ATL2: variants seen among roughly 807,000 people sequenced by gnomAD.
ATL2 encodes atlastin GTPase 2.
A neutral mutation model predicts 73.9 loss-of-function variants in ATL2; 31 were observed. That is an observed-to-expected ratio of 0.42 (90% confidence interval 0.32 to 0.57). ATL2 has a LOEUF of 0.57. ATL2 is among the 20% of genes least tolerant of loss of function. The probability of loss-of-function intolerance (pLI) is 0.14; values close to 1 mark genes in which losing one functional copy is unlikely to be tolerated. For missense variants in ATL2, 738 were observed against 702.6 expected, an observed-to-expected ratio of 1.05 and a Z score of -0.57; for synonymous variants, 291 against 237.5, an observed-to-expected ratio of 1.23 and a Z score of -2.07.
chr2:38,319,764 G>C (rs1424685184), intron 2 of ATL2, among the ~76,000 whole-genome samples: 1 of 152,140 alleles, frequency 6.6e-6, no homozygotes, highest in African/African-American at 2.4e-5. Context: ...TGCTTTCTCA[G>C]AATAGCTTAC....
At chr2:38,313,269 T>TA in intron 6 of ATL2, 26 bp from the exon 7 acceptor site, 2 of 1,535,610 alleles carry the variant, frequency 1.3e-6, no homozygotes, top group Non-Finnish European at 1.8e-6. Context: ...ATAAAAATTG[T>TA]TTATTTTACA....
intron 2 of ATL2, among the ~76,000 whole-genome samples, chr2:38,335,207 G>A (rs541956403): frequency 3.3e-5 from 5 of 151,700 alleles, no homozygotes; most frequent in South Asian, 4.2e-4. Flanking sequence ...AAAAGTAAAC[G>A]GGTATTTCCC....
In ATL2 at chr2:38,298,257, C is replaced by G. The variant is rs1397598762; in HGVS notation, c.1519G>C (p.Val507Leu). 1 of 1,613,982 alleles carries G rather than the reference C, an allele frequency of 6.2e-7. No homozygotes were observed. The highest frequency in any genetic ancestry group is 1.3e-5 in the African/African-American group (1 of 74,912). Reference protein sequence around the residue: ...LNSIAVLCNLVMGLALIFLCT... With the variant: ...LNSIAVLCNLLMGLALIFLCT... The stretch of plus-strand genomic sequence containing the variant: ...AGAAATATCAGTGCTAACCCCATGA[C>G]AAGGTTACACAAGACAGCTATAGAG... Residue 507 changes from valine to leucine, a missense_variant, in exon 12 of 13, where the codon GTC (valine) becomes CTC (leucine). By Grantham distance (32) the Val-to-Leu change is conservative. Coordinates refer to ENST00000378954, the MANE Select transcript of ATL2 (RefSeq NM_001135673.4).
At chr2:38,319,615 A>AG (rs1553333124) in intron 2 of ATL2, among the ~76,000 whole-genome samples, 10 of 149,504 alleles carry the variant, frequency 6.7e-5, no homozygotes, top group Admixed American at 2.0e-4. Flanking sequence ...AAAAAAAAAA[A>AG]AGAGAGAGAG....
intron 1 of ATL2, among the ~76,000 whole-genome samples, chr2:38,344,096 C>G (rs1669885045): frequency 6.6e-6 from 1 of 152,132 alleles, no homozygotes; most frequent in Non-Finnish European, 1.5e-5. Flanking sequence ...AATATGGCCT[C>G]TATCTCAATG....
At chr2:38,338,101 T>C (rs1669479200) in intron 2 of ATL2, among the ~76,000 whole-genome samples, 1 of 152,206 alleles carries the variant, frequency 6.6e-6, no homozygotes, top group Admixed American at 6.5e-5. Flanking sequence ...TCTATTTCAC[T>C]TTGAAAAGGT....
intron 1 of ATL2, among the ~76,000 whole-genome samples, chr2:38,357,651 CAAA>C (rs1212548216): frequency 6.0e-5 from 4 of 66,346 alleles, no homozygotes; most frequent in Admixed American, 1.9e-4. Context: ...GACTCCGTCT[CAAA>C]AAAAAAAAAA....
intron 1 of ATL2, among the ~76,000 whole-genome samples, chr2:38,368,172 G>A (rs980185640): frequency 6.6e-6 from 1 of 151,400 alleles, no homozygotes; most frequent in East Asian, 1.9e-4. Context: ...CTGACCTCAT[G>A]ATCCACCCAC....
intron 2 of ATL2, among the ~76,000 whole-genome samples, chr2:38,337,961 T>C (rs998745714): frequency 6.6e-6 from 1 of 152,316 alleles, no homozygotes; most frequent in South Asian, 2.1e-4. Context: ...TTTAGTTTCA[T>C]GTATATTATA....
At chr2:38,297,806 T>A in intron 12 of ATL2, 1 of 172,636 alleles carries the variant, frequency 5.8e-6, no homozygotes, top group Non-Finnish European at 1.2e-5. Context: ...TCCAAACTTC[T>A]TTTCCTTACC....
At chr2:38,336,092 C>G (rs1174727288) in intron 2 of ATL2, among the ~76,000 whole-genome samples, 1 of 152,144 alleles carries the variant, frequency 6.6e-6, no homozygotes, top group Non-Finnish European at 1.5e-5. Context: ...ATTGTTCCTC[C>G]TCCAAATACA....
chr2:38,304,721 G>A (rs923245169), intron 9 of ATL2, among the ~76,000 whole-genome samples: 130 of 152,262 alleles, frequency 8.5e-4, no homozygotes, highest in African/African-American at 3.1e-3. Flanking sequence ...TAGGCAATCA[G>A]TGTTATCAGT....
At chr2:38,327,285 G>A (rs1047984876) in intron 2 of ATL2, among the ~76,000 whole-genome samples, 3 of 151,886 alleles carry the variant, frequency 2.0e-5, no homozygotes, top group Admixed American at 6.6e-5. Flanking sequence ...TATAGATAAG[G>A]GAAACAAATG....
In ATL2 at chr2:38,296,540, A is replaced by G. The variant is rs138892566; in HGVS notation, c.1633-427T>C. On this transcript the variant is annotated intron_variant, in intron 12 of 12. Coordinates refer to ENST00000378954, the MANE Select transcript of ATL2 (RefSeq NM_001135673.4). ...GTCTCTGTCGCTGTGCTGATGAAAG[A>G]GCACGGTGAACCATTCGACGTCTAG... 113 of 1,614,114 alleles carry G rather than the reference A, an allele frequency of 7.0e-5. No homozygotes were observed. In the African/African-American group the frequency reaches 1.3e-3, roughly 19 times the overall value.
intron 2 of ATL2, among the ~76,000 whole-genome samples, chr2:38,332,810 C>T (rs1669076559): frequency 6.6e-6 from 1 of 152,172 alleles, no homozygotes; most frequent in Admixed American, 6.5e-5. Context: ...ATGCCTTGAA[C>T]TTGCTTCTTG....
intron 1 of ATL2, among the ~76,000 whole-genome samples, chr2:38,347,277 T>A (rs1573541987): frequency 6.6e-6 from 1 of 152,212 alleles, no homozygotes; most frequent in South Asian, 2.1e-4. Flanking sequence ...AACACACTCC[T>A]ATTCATTCCC....
chr2:38,354,833 T>C (rs1670567893), intron 1 of ATL2, among the ~76,000 whole-genome samples: 1 of 152,048 alleles, frequency 6.6e-6, no homozygotes, highest in Admixed American at 6.5e-5. Flanking sequence ...GAGGTTGCAG[T>C]GAGCCGAGAT....
chr2:38,302,796 C>T (rs1667256892), intron 9 of ATL2, among the ~76,000 whole-genome samples: 1 of 152,158 alleles, frequency 6.6e-6, no homozygotes, highest in Non-Finnish European at 1.5e-5. Context: ...CTGCAGTGAC[C>T]AAGATCACAA....
At chr2:38,330,760 T>G (rs561999501) in intron 2 of ATL2, among the ~76,000 whole-genome samples, 1 of 152,362 alleles carries the variant, frequency 6.6e-6, no homozygotes, top group South Asian at 2.1e-4. Context: ...CCCATATTCA[T>G]GGACTGTTAG....
Sources: gnomAD v4.1 joint callset for allele counts (sites outside exome capture counted in the v4.1 genomes callset) on GRCh38, gnomAD v4.1.1 for gene constraint, MANE v1.5 for transcripts, NCBI Gene and HGNC (gene_info 2026-07-23, HGNC 2026-07-21) for gene names.